The following OTUD7A variants were observed in gnomAD, a reference collection of about 807,000 sequenced individuals.
OTUD7A encodes OTU deubiquitinase 7A.
In OTUD7A, 12 loss-of-function variants were observed where a neutral mutation model predicts 65.7. The observed-to-expected ratio is 0.18, with a 90% CI of 0.12 to 0.30. The LOEUF is 0.30. Among genes scored for constraint, OTUD7A ranks in the 10% least tolerant of loss-of-function variants. The pLI is 1.00. For missense variants in OTUD7A, 1,148 were observed against 1,304.8 expected (o/e 0.88, Z 1.85); for synonymous variants, 641 against 586.3 (o/e 1.09, Z -1.35).
chr15:31,790,333 C>A (rs570287800), intron 1 of OTUD7A, among the ~76,000 whole-genome samples: 1 of 152,250 alleles, frequency 6.6e-6, no homozygotes, highest in African/African-American at 2.4e-5. Context: ...GATGCTGATG[C>A]TGCAGGCCTA....
chr15:31,761,624 A>G (rs944591743), intron 1 of OTUD7A, among the ~76,000 whole-genome samples: 6 of 152,210 alleles, frequency 3.9e-5, no homozygotes, highest in African/African-American at 9.6e-5. Context: ...CAGTTACTCA[A>G]AAGTTAAGCA....
At chr15:31,750,772 T>A (rs966992717) in intron 1 of OTUD7A, among the ~76,000 whole-genome samples, 1 of 152,110 alleles carries the variant, frequency 6.6e-6, no homozygotes. Flanking sequence ...TCAGGATAAG[T>A]TGAACTAGTC....
chr15:31,731,598 T>TTC (rs1186826347), intron 1 of OTUD7A, among the ~76,000 whole-genome samples: 4 of 152,196 alleles, frequency 2.6e-5, no homozygotes, highest in African/African-American at 9.7e-5. Flanking sequence ...GCAGTGAAAC[T>TTC]ACTCTGTATG....
chr15:31,528,348 A>G (rs1349218969), intron 6 of OTUD7A, among the ~76,000 whole-genome samples: 3 of 152,226 alleles, frequency 2.0e-5, no homozygotes, highest in Non-Finnish European at 4.4e-5. Context: ...AGGGGGCAGT[A>G]CTTGAGAAAA....
chr15:31,591,039 G>A (rs1046418246), intron 3 of OTUD7A, among the ~76,000 whole-genome samples: 1 of 152,118 alleles, frequency 6.6e-6, no homozygotes, highest in African/African-American at 2.4e-5. Flanking sequence ...GAGAGGTATT[G>A]CAGAGGAGCC....
At chr15:31,670,370 T>C (rs1892449886) in intron 1 of OTUD7A, among the ~76,000 whole-genome samples, 1 of 152,372 alleles carries the variant, frequency 6.6e-6, no homozygotes, top group Middle Eastern at 3.4e-3. Context: ...TTTTCCACAA[T>C]GGTTGAACTA....
At chr15:31,853,315 A>G (rs190808965) in intron 1 of OTUD7A, among the ~76,000 whole-genome samples, 1 of 152,316 alleles carries the variant, frequency 6.6e-6, no homozygotes, top group Non-Finnish European at 1.5e-5. Context: ...CGAGCAAACA[A>G]TCTACTCCTC....
intron 3 of OTUD7A, among the ~76,000 whole-genome samples, chr15:31,580,150 G>A (rs578099294): frequency 6.6e-5 from 10 of 152,294 alleles, no homozygotes; most frequent in East Asian, 1.9e-4. Context: ...AGAAAGTTGC[G>A]TCTGGATAAA....
In OTUD7A at chr15:31,507,633, C is replaced by T. The variant is rs538428042; in HGVS notation, c.894-3815G>A. 7.7e-5 allele frequency among the ~76,000 whole-genome samples: 5 copies of T among 64,834 alleles called. No homozygotes were observed. The East Asian group carries it at 3.3e-3, about 43-fold the overall frequency. 42.5% of individuals were successfully genotyped at this position (64,834 alleles called of 152,430 possible). ...CCGAGCAGGTTGCTGCCGCTGCTGG[C>T]TGGGGGGCGGGGGTGGCAAGCTTTT... On this transcript the variant is annotated intron_variant, in intron 8 of 12. Transcript: ENST00000307050.
chr15:31,640,610 C>T (rs905392817), intron 3 of OTUD7A, among the ~76,000 whole-genome samples: 5 of 152,038 alleles, frequency 3.3e-5, no homozygotes, highest in African/African-American at 1.2e-4. Context: ...ATTTTTTGCA[C>T]TGAATTACTT....
chr15:31,567,252 G>C (rs1456620174), intron 4 of OTUD7A, among the ~76,000 whole-genome samples: 1 of 152,210 alleles, frequency 6.6e-6, no homozygotes, highest in Non-Finnish European at 1.5e-5. Context: ...TGGAGCAAAT[G>C]GTCACGTGTT....
intron 8 of OTUD7A, among the ~76,000 whole-genome samples, chr15:31,507,582 A>C (rs2041597780): frequency 6.6e-6 from 1 of 152,134 alleles, no homozygotes; most frequent in Admixed American, 6.5e-5. Context: ...GAGAAAGAAC[A>C]AAGGTTCTAA....
chr15:31,860,582 T>A (rs1033295719), intron 1 of OTUD7A, among the ~76,000 whole-genome samples: 1 of 136,700 alleles, frequency 7.3e-6, no homozygotes, highest in African/African-American at 2.6e-5. Flanking sequence ...TATAAATACT[T>A]GTTCAAATGC....
At chr15:31,608,719 G>C (rs1890309005) in intron 3 of OTUD7A, among the ~76,000 whole-genome samples, 1 of 152,214 alleles carries the variant, frequency 6.6e-6, no homozygotes, top group African/African-American at 2.4e-5. Flanking sequence ...TGGGATAGAA[G>C]CAATATTTTA....
chr15:31,828,821 G>A (rs924161685), intron 1 of OTUD7A, among the ~76,000 whole-genome samples: 2 of 152,134 alleles, frequency 1.3e-5, no homozygotes, highest in African/African-American at 2.4e-5. Context: ...TGTCACAGCT[G>A]CCTCCCGCAT....
intron 3 of OTUD7A, among the ~76,000 whole-genome samples, chr15:31,591,096 G>C (rs191119636): frequency 6.6e-6 from 1 of 152,264 alleles, no homozygotes; most frequent in East Asian, 1.9e-4. Context: ...TGTGAGCGAG[G>C]AGTGGAAGCT....
intron 1 of OTUD7A, among the ~76,000 whole-genome samples, chr15:31,696,839 AGAG>A (rs1321272049): frequency 6.6e-6 from 1 of 150,476 alleles, no homozygotes; most frequent in African/African-American, 2.4e-5. Context: ...AGAGGAAAAT[AGAG>A]GAGGAGTGGG....
chr15:31,587,104 C>G (rs1889564151), intron 3 of OTUD7A, among the ~76,000 whole-genome samples: 1 of 152,156 alleles, frequency 6.6e-6, no homozygotes, highest in African/African-American at 2.4e-5. Flanking sequence ...AGCCAAAGAT[C>G]CATGCATCAT....
intron 1 of OTUD7A, among the ~76,000 whole-genome samples, chr15:31,832,632 C>T (rs1896962102): frequency 6.6e-6 from 1 of 152,126 alleles, no homozygotes; most frequent in African/African-American, 2.4e-5. Flanking sequence ...TCGTCGCCCA[C>T]AATTGTACTT....
Sources: allele counts gnomAD v4.1 joint callset (sites outside exome capture counted in the v4.1 genomes callset), GRCh38; gene constraint gnomAD v4.1.1; transcripts MANE v1.5; gene names NCBI Gene and HGNC (gene_info 2026-07-23, HGNC 2026-07-21).